Variants in GABRB2 observed in about 807,000 individuals in gnomAD.
GABRB2 encodes the protein gamma-aminobutyric acid receptor subunit beta-2.
Under a neutral mutation model 54.7 loss-of-function variants are expected in GABRB2, and 16 were observed. The ratio of observed to expected loss-of-function variants is 0.29; its 90% CI spans 0.20 to 0.44. The LOEUF (loss-of-function observed/expected upper bound fraction) is 0.44. GABRB2 is among the 20% of genes least tolerant of loss of function. GABRB2 has a pLI of 1.00. For missense variants in GABRB2, 355 were observed against 644.0 expected (o/e 0.55, Z 4.86); for synonymous variants, 244 against 233.8 (o/e 1.04, Z -0.40).
rs576130512 is a variant in GABRB2, at chr5:161,296,079, G to C, written c.1192-1651C>G. On this transcript the variant is annotated intron_variant, in intron 9 of 9. Coordinates refer to ENST00000393959, the MANE Select transcript of GABRB2 (RefSeq NM_001371727.1). The stretch of plus-strand genomic sequence containing the variant: ...CTTGGAAGTGGCATTTTTTCCCAGA[G>C]GTTATAGGTGAAGGCCTTCACCAAA... Among the ~76,000 whole-genome samples the C allele has an allele frequency of 8.5e-5, 13 of 152,204 alleles. No homozygotes were observed. In the East Asian group the frequency reaches 2.5e-3, roughly 29 times the overall value.
At chr5:161,336,809 G>GAAA in intron 5 of GABRB2, 40 bp from the exon 6 acceptor site, 5 of 1,237,136 alleles carry the variant, frequency 4.0e-6, no homozygotes, top group African/African-American at 2.2e-5. Context: ...CACAAATACA[G>GAAA]AAAACAAAAA....
chr5:161,470,583 C>T (rs1251948851), intron 3 of GABRB2, among the ~76,000 whole-genome samples: 1 of 151,768 alleles, frequency 6.6e-6, no homozygotes, highest in Admixed American at 6.6e-5. Context: ...ACCAAGAATG[C>T]TACTGAGTGA....
chr5:161,394,626 T>C (rs1755939554), intron 5 of GABRB2, among the ~76,000 whole-genome samples: 1 of 152,070 alleles, frequency 6.6e-6, no homozygotes, highest in South Asian at 2.1e-4. Context: ...AGAACTAAAA[T>C]GTACTAAACT....
intron 4 of GABRB2, among the ~76,000 whole-genome samples, chr5:161,433,479 G>A (rs372527883): frequency 6.6e-6 from 1 of 151,384 alleles, no homozygotes; most frequent in African/African-American, 2.4e-5. Flanking sequence ...GCAAGGTGGT[G>A]CTTGCCTGTA....
chr5:161,406,472 G>A (rs558874516), intron 5 of GABRB2, among the ~76,000 whole-genome samples: 5 of 152,062 alleles, frequency 3.3e-5, no homozygotes, highest in African/African-American at 7.2e-5. Flanking sequence ...AGTGCAATCC[G>A]TGGCAGTATG....
At chr5:161,422,921 T>C (rs1756891745) in intron 4 of GABRB2, among the ~76,000 whole-genome samples, 1 of 152,168 alleles carries the variant, frequency 6.6e-6, no homozygotes, top group South Asian at 2.1e-4. Context: ...AAATGATGTC[T>C]ATACAAATAT....
chr5:161,476,797 G>T (rs561340740), intron 3 of GABRB2, among the ~76,000 whole-genome samples: 16 of 151,718 alleles, frequency 1.1e-4, no homozygotes, highest in Non-Finnish European at 2.2e-4. Flanking sequence ...AACCCAAAAT[G>T]GATTAAAGGC....
intron 5 of GABRB2, among the ~76,000 whole-genome samples, chr5:161,346,748 T>A (rs1296030675): frequency 6.6e-6 from 1 of 152,172 alleles, no homozygotes; most frequent in African/African-American, 2.4e-5. Context: ...CCCTAAACTC[T>A]AGATATGAAC....
intron 3 of GABRB2, among the ~76,000 whole-genome samples, chr5:161,494,392 C>G (rs1357318363): frequency 2.6e-5 from 4 of 151,754 alleles, no homozygotes; most frequent in African/African-American, 9.7e-5. Context: ...TGAGAGTTGA[C>G]TTTATTTTTC....
chr5:161,524,238 T>C (rs920556766), intron 3 of GABRB2, among the ~76,000 whole-genome samples: 1 of 151,424 alleles, frequency 6.6e-6, no homozygotes, highest in Admixed American at 6.6e-5. Flanking sequence ...ATATGGTATT[T>C]GGCCATAAAA....
At chr5:161,486,533 T>A (rs558422358) in intron 3 of GABRB2, among the ~76,000 whole-genome samples, 50 of 152,048 alleles carry the variant, frequency 3.3e-4, no homozygotes, top group African/African-American at 9.9e-4. Flanking sequence ...CCCAGCCTGG[T>A]TCTTCCAGGC....
At chr5:161,454,218 C>T (rs574358463) in intron 4 of GABRB2, among the ~76,000 whole-genome samples, 2 of 152,092 alleles carry the variant, frequency 1.3e-5, no homozygotes, top group East Asian at 1.9e-4. Flanking sequence ...ACAACTGAGG[C>T]GCTTGCCTTG....
chr5:161,412,999 G>GA (rs1756564462), intron 4 of GABRB2, among the ~76,000 whole-genome samples: 1 of 152,036 alleles, frequency 6.6e-6, no homozygotes, highest in African/African-American at 2.4e-5. Flanking sequence ...TCAACCTCCT[G>GA]GTCTCAAGCA....
At chr5:161,371,065 C>A (rs927642674) in intron 5 of GABRB2, among the ~76,000 whole-genome samples, 1 of 152,162 alleles carries the variant, frequency 6.6e-6, no homozygotes, top group Non-Finnish European at 1.5e-5. Flanking sequence ...GCTCTGACAG[C>A]TGGTCAGACT....
intron 5 of GABRB2, among the ~76,000 whole-genome samples, chr5:161,363,546 A>T (rs533877254): frequency 2.5e-4 from 37 of 150,580 alleles, no homozygotes; most frequent in South Asian, 1.9e-3. Flanking sequence ...TAATTTTTTT[A>T]AAAAAATTAG....
chr5:161,487,501 A>G (rs78793009), intron 3 of GABRB2, among the ~76,000 whole-genome samples: 7,442 of 151,936 alleles, frequency 0.049, 454 homozygotes, highest in Admixed American at 0.16. Context: ...AAACACTCAA[A>G]TTCATTTTTG....
intron 4 of GABRB2, among the ~76,000 whole-genome samples, chr5:161,443,407 A>T (rs565312047): frequency 6.6e-6 from 1 of 152,218 alleles, no homozygotes; most frequent in Non-Finnish European, 1.5e-5. Context: ...ATACTAAAAA[A>T]TCAAAATCAC....
chr5:161,357,999 A>G (rs1240842199), intron 5 of GABRB2, among the ~76,000 whole-genome samples: 1 of 152,214 alleles, frequency 6.6e-6, no homozygotes, highest in East Asian at 1.9e-4. Context: ...CAGCATACTG[A>G]TGATATTTAA....
chr5:161,546,349 C>A lies in GABRB2; in HGVS notation c.142G>T (p.Asp48Tyr). ...ETVDRLLKGY[D>Y]IRLRPDFGGP... is the part of the protein sequence containing the mutation. ...CCAAAATCTGGTCTCAGACGAATGT[C>A]ATAGCCTTTCAGGAGTCTATCCACC... Residue 48 changes from aspartate (D) to tyrosine (Y), a missense_variant, in exon 2 of 10, where the codon GAC (aspartate) becomes TAC (tyrosine). By Grantham distance (160) the Asp-to-Tyr change is radical. This residue lies in a region of GABRB2 where 42 missense variants were observed against 99.7 expected (regional missense o/e 0.42). Transcript: ENST00000393959. The A allele has an allele frequency of 6.2e-7, 1 of 1,614,188 alleles. No homozygotes were observed. The highest frequency in any genetic ancestry group is 1.1e-5 in the South Asian group (1 of 91,068).
Sources: allele counts gnomAD v4.1 joint callset (sites outside exome capture counted in the v4.1 genomes callset), GRCh38; gene constraint gnomAD v4.1.1; regional missense constraint gnomAD v4.1.1; transcripts MANE v1.5; gene names NCBI Gene and HGNC (gene_info 2026-07-23, HGNC 2026-07-21).